The following TUFT1 variants were observed in gnomAD, a reference collection of about 807,000 sequenced individuals.
TUFT1 encodes the protein tuftelin.
TUFT1 carries 43 observed loss-of-function variants against 57.8 expected under a neutral mutation model. That is an observed-to-expected ratio of 0.74 (90% CI 0.58 to 0.96). The LOEUF (loss-of-function observed/expected upper bound fraction) is 0.96. Ranked by LOEUF, TUFT1 falls within the 40% of genes least tolerant of loss-of-function variation. TUFT1 has a pLI of 0.00. For missense variants in TUFT1, 459 were observed against 489.0 expected (o/e 0.94, Z 0.58); for synonymous variants, 166 against 176.7 (o/e 0.94, Z 0.48).
chr1:151,574,511 C>A (rs1178514686), intron 8 of TUFT1, 113 bp downstream of exon 8: 2 of 1,364,860 alleles, frequency 1.5e-6, no homozygotes, highest in Non-Finnish European at 2.0e-6. Flanking sequence ...CAGAAAAGCA[C>A]ACTTCGCACC....
At position 151,562,692 on chromosome 1, in the gene TUFT1, C is replaced by T. The variant is rs1357548251; in HGVS notation, c.237+6C>T. On this transcript the variant is annotated splice_donor_region_variant and intron_variant, in intron 3 of 12. Coordinates refer to ENST00000368849, the MANE Select transcript of TUFT1 (RefSeq NM_020127.3). ...GACATGAGGAGATCATTAAGGTAAGCTTAGTTCACCTCCAACTTTTCTCCC... is the reference window on the plus strand; with the variant it reads ...GACATGAGGAGATCATTAAGGTAAGTTTAGTTCACCTCCAACTTTTCTCCC... The T allele has an allele frequency of 1.2e-6, 2 of 1,610,176 alleles. No homozygotes were observed. The highest frequency in any genetic ancestry group is 3.3e-5 in the Admixed American group (2 of 59,940).
At chr1:151,545,108 C>T (rs1427183990) in intron 1 of TUFT1, among the ~76,000 whole-genome samples, 6 of 151,474 alleles carry the variant, frequency 4.0e-5, no homozygotes, top group East Asian at 3.9e-4. Context: ...ATCAGGAGTT[C>T]GAGACCAGCC....
chr1:151,549,183 T>A (rs939601557), intron 1 of TUFT1, among the ~76,000 whole-genome samples: 2 of 152,236 alleles, frequency 1.3e-5, no homozygotes, highest in East Asian at 3.8e-4. Flanking sequence ...ACTTCTCATC[T>A]TGCCTTTTAG....
At chr1:151,550,123 C>G (rs1306739309) in intron 1 of TUFT1, among the ~76,000 whole-genome samples, 1 of 152,120 alleles carries the variant, frequency 6.6e-6, no homozygotes, top group African/African-American at 2.4e-5. Context: ...CCTCTGCCTC[C>G]CAGGTTCAAG....
In TUFT1 at chr1:151,580,618, C is replaced by T. The variant is rs199551977; in HGVS notation, c.1009-324C>T. Reference sequence around the variant, plus strand: ...TCGAGGCTGCAGTGAGCTATAATCACGCCACTGCACTCCAGCCTGGGCAAC... The same window carrying T: ...TCGAGGCTGCAGTGAGCTATAATCATGCCACTGCACTCCAGCCTGGGCAAC... On this transcript the variant is annotated intron_variant, in intron 11 of 12. Coordinates refer to ENST00000368849, the MANE Select transcript of TUFT1 (RefSeq NM_020127.3). Among the ~76,000 whole-genome samples the T allele has an allele frequency of 1.1e-4, 16 of 144,506 alleles. No individual in the cohort carries two copies. In the East Asian group the frequency reaches 1.6e-3, roughly 15 times the overall value. 94.8% of individuals were successfully genotyped at this position (144,506 alleles called of 152,430 possible).
chr1:151,555,485 A>G (rs1379768868), intron 1 of TUFT1, among the ~76,000 whole-genome samples: 1 of 149,658 alleles, frequency 6.7e-6, no homozygotes, highest in East Asian at 2.0e-4. Flanking sequence ...TTTAACAAAA[A>G]AGATAATTAT....
chr1:151,544,178 A>G (rs1665258215), intron 1 of TUFT1, among the ~76,000 whole-genome samples: 2 of 151,808 alleles, frequency 1.3e-5, no homozygotes, highest in Admixed American at 6.6e-5. Context: ...ATGGGTTCTC[A>G]CTATGTTGCC....
At chr1:151,562,193 C>G (rs374443026) in intron 2 of TUFT1, 28 bp downstream of exon 2, 2 of 1,590,380 alleles carry the variant, frequency 1.3e-6, no homozygotes, top group African/African-American at 1.3e-5. Context: ...TGGGCAAGGC[C>G]CCCTCCCCAC....
chr1:151,575,719 A>G (rs906159590), intron 9 of TUFT1, among the ~76,000 whole-genome samples: 3 of 152,226 alleles, frequency 2.0e-5, no homozygotes, highest in African/African-American at 7.2e-5. Context: ...TAACATCAGC[A>G]TATTTGGTTT....
intron 5 of TUFT1, among the ~76,000 whole-genome samples, chr1:151,565,367 C>T (rs573299558): frequency 6.6e-6 from 1 of 152,372 alleles, no homozygotes; most frequent in South Asian, 2.1e-4. Flanking sequence ...CCTTGATTTG[C>T]ATTTTGGTTC....
At chr1:151,567,022 A>T (rs1666106685) in intron 6 of TUFT1, among the ~76,000 whole-genome samples, 1 of 151,686 alleles carries the variant, frequency 6.6e-6, no homozygotes, top group East Asian at 1.9e-4. Context: ...GGGTTCAAGC[A>T]ATCCTCCCAC....
At chr1:151,562,559 T>TCC in intron 2 of TUFT1, 26 bp from the exon 3 acceptor site, 1 of 1,599,892 alleles carries the variant, frequency 6.3e-7, no homozygotes, top group Non-Finnish European at 8.5e-7. Context: ...TCTCTCTCTC[T>TCC]CTCTCTCTCA....
At chr1:151,548,143 C>A (rs530491947) in intron 1 of TUFT1, among the ~76,000 whole-genome samples, 1 of 152,252 alleles carries the variant, frequency 6.6e-6, no homozygotes, top group South Asian at 2.1e-4. Flanking sequence ...TGAGCTGAGT[C>A]GGGTGCGAGC....
intron 9 of TUFT1, among the ~76,000 whole-genome samples, chr1:151,577,023 C>T (rs1355451311): frequency 6.6e-6 from 1 of 152,174 alleles, no homozygotes; most frequent in Non-Finnish European, 1.5e-5. Context: ...ATCCTCCCAC[C>T]TCGCCTTCCT....
Position 151,557,839 on chromosome 1 carries a change from C to CCGGAGTGCTGTG in TUFT1, c.61-4250_61-4249insGAGTGCTGTGCG. 5 of 744,646 alleles carry CCGGAGTGCTGTG rather than the reference C, an allele frequency of 6.7e-6. No homozygotes were observed. In the South Asian group the frequency reaches 6.7e-5, roughly 10 times the overall value. The allele number at this position is 744,646 out of a possible 1,614,324, so 46.1% of individuals were successfully genotyped here. ...GATAACCTACAGACGGAGTGCTGTGCCGCCTGGTGCCGACAGCAAAGCTGA... is the reference window on the plus strand; with the variant it reads ...GATAACCTACAGACGGAGTGCTGTGCCGGAGTGCTGTGCGCCTGGTGCCGACAGCAAAGCTGA... On this transcript the variant is annotated intron_variant, in intron 1 of 12. Transcript: ENST00000368849.
intron 2 of TUFT1, 75 bp from the exon 3 acceptor site, chr1:151,562,510 A>C: frequency 8.0e-7 from 1 of 1,256,844 alleles, no homozygotes; most frequent in Non-Finnish European, 1.1e-6. Context: ...GCTGAGGGGC[A>C]GGAGTTCTGG....
At chr1:151,550,605 A>G (rs1324979237) in intron 1 of TUFT1, among the ~76,000 whole-genome samples, 2 of 152,186 alleles carry the variant, frequency 1.3e-5, no homozygotes, top group Non-Finnish European at 2.9e-5. Context: ...TCGGCCTTCC[A>G]AAGTGCTGGG....
chr1:151,557,068 A>G (rs887297068), intron 1 of TUFT1, among the ~76,000 whole-genome samples: 1 of 152,082 alleles, frequency 6.6e-6, no homozygotes, highest in African/African-American at 2.4e-5. Context: ...CTTCCTGTGG[A>G]TTAACTGAAC....
At chr1:151,556,838 G>C (rs7533075) in intron 1 of TUFT1, among the ~76,000 whole-genome samples, 1 of 152,118 alleles carries the variant, frequency 6.6e-6, no homozygotes, top group African/African-American at 2.4e-5. Context: ...GCATTGTCAC[G>C]GGAGCTTGTA....
Sources: allele counts gnomAD v4.1 joint callset (sites outside exome capture counted in the v4.1 genomes callset), GRCh38; gene constraint gnomAD v4.1.1; transcripts MANE v1.5; gene names NCBI Gene and HGNC (gene_info 2026-07-23, HGNC 2026-07-21).